The following TRPM7 variants were observed in gnomAD, a reference collection of about 807,000 sequenced individuals.
The protein encoded by TRPM7 is transient receptor potential cation channel subfamily M member 7.
A neutral mutation model predicts 229.7 loss-of-function variants in TRPM7; 134 were observed. The ratio of observed to expected loss-of-function variants is 0.58; its 90% CI spans 0.51 to 0.67. The LOEUF (loss-of-function observed/expected upper bound fraction) is 0.67. TRPM7 is among the 30% of genes least tolerant of loss of function. TRPM7 has a pLI of 0.00. For missense variants in TRPM7, 1,901 were observed against 2,210.0 expected (o/e 0.86, Z 2.80); for synonymous variants, 699 against 715.2 (o/e 0.98, Z 0.36).
intron 1 of TRPM7, among the ~76,000 whole-genome samples, chr15:50,682,270 C>G (rs1478473471): frequency 2.0e-5 from 3 of 150,770 alleles, no homozygotes; most frequent in Non-Finnish European, 4.4e-5. Flanking sequence ...CTCCACACAC[C>G]AAAATTCCTT....
chr15:50,663,728 G>T (rs1016939264), intron 1 of TRPM7, among the ~76,000 whole-genome samples: 1 of 152,164 alleles, frequency 6.6e-6, no homozygotes, highest in African/African-American at 2.4e-5. Flanking sequence ...CATTTTGGGA[G>T]CCAAGGTGAG....
chr15:50,627,427 T>A (rs531343244), intron 11 of TRPM7, among the ~76,000 whole-genome samples: 1 of 152,106 alleles, frequency 6.6e-6, no homozygotes, highest in East Asian at 1.9e-4. Context: ...AATGTTAAGA[T>A]AGAGAGACAG....
chr15:50,609,159 T>C (rs547826968), intron 19 of TRPM7, among the ~76,000 whole-genome samples: 5 of 152,122 alleles, frequency 3.3e-5, no homozygotes, highest in African/African-American at 4.8e-5. Flanking sequence ...ATATAAACAA[T>C]CTGGATTACT....
intron 22 of TRPM7, among the ~76,000 whole-genome samples, chr15:50,597,298 G>C (rs940827983): frequency 6.6e-6 from 1 of 152,088 alleles, no homozygotes; most frequent in Non-Finnish European, 1.5e-5. Context: ...AATTAGGCAG[G>C]GCGAGGATTA....
In TRPM7 at chr15:50,679,330, AT is replaced by A. The variant is rs1437435674; in HGVS notation, c.3+7200del. Among the ~76,000 whole-genome samples, 7 of 140,940 alleles carry A rather than the reference AT, an allele frequency of 5.0e-5. No homozygotes were observed. The South Asian group carries it at 1.6e-3, about 33-fold the overall frequency. The allele number at this position is 140,940 out of a possible 152,430, so 92.5% of individuals were successfully genotyped here. A position where few individuals can be genotyped will look rare whatever the true frequency, so the allele number is the denominator to read the frequency against. On this transcript the variant is annotated intron_variant, in intron 1 of 38. Transcript: ENST00000646667. ...GACATGGGCAACAGAGCAAAACACT[AT>A]CCAAAAAAAACAAAACAGAAAACTT...
At chr15:50,566,289 AAATTAT>A (rs1566930992) in intron 38 of TRPM7, among the ~76,000 whole-genome samples, 1 of 152,236 alleles carries the variant, frequency 6.6e-6, no homozygotes, top group African/African-American at 2.4e-5. Flanking sequence ...ATAACAACTG[AAATTAT>A]AATTATTTTA....
intron 10 of TRPM7, among the ~76,000 whole-genome samples, chr15:50,629,943 CCTCTGCCTTCCGGGTT>C (rs763098643): frequency 3.5e-4 from 51 of 143,836 alleles, no homozygotes; most frequent in Non-Finnish European, 6.6e-4. Flanking sequence ...CTCACTGCAA[CCTCTGCCTTCCGGGTT>C]CAAGCAATTC....
At chr15:50,562,148 G>A (rs768568777) in intron 38 of TRPM7, among the ~76,000 whole-genome samples, 4 of 151,636 alleles carry the variant, frequency 2.6e-5, no homozygotes, top group Non-Finnish European at 5.9e-5. Context: ...CACCTGCCTC[G>A]GCCTCCCAAA....
chr15:50,650,703 CA>C (rs11445747), intron 3 of TRPM7, among the ~76,000 whole-genome samples: 1 of 148,276 alleles, frequency 6.7e-6, no homozygotes, highest in African/African-American at 2.5e-5. Flanking sequence ...TCAAAAAAAA[CA>C]AAAAAAAACA....
At chr15:50,653,855 T>A (rs1020496885) in intron 3 of TRPM7, among the ~76,000 whole-genome samples, 1 of 152,184 alleles carries the variant, frequency 6.6e-6, no homozygotes, top group South Asian at 2.1e-4. Flanking sequence ...AATCACTTGC[T>A]GTGTGTGGGT....
At chr15:50,673,050 C>A (rs1225921291) in intron 1 of TRPM7, among the ~76,000 whole-genome samples, 1 of 146,448 alleles carries the variant, frequency 6.8e-6, no homozygotes, top group Admixed American at 6.7e-5. Context: ...TAAAAAGTTA[C>A]AGTAAGCTAG....
At chr15:50,626,496 G>C (rs1270209221) in intron 11 of TRPM7, among the ~76,000 whole-genome samples, 1 of 152,114 alleles carries the variant, frequency 6.6e-6, no homozygotes, top group African/African-American at 2.4e-5. Context: ...CAAGCAAGAA[G>C]AAAGAAGAAA....
At chr15:50,568,800 C>T (rs2053734976) in intron 38 of TRPM7, among the ~76,000 whole-genome samples, 1 of 151,894 alleles carries the variant, frequency 6.6e-6, no homozygotes, top group Non-Finnish European at 1.5e-5. Context: ...CATGGCAAAA[C>T]CCCATCTCTA....
intron 26 of TRPM7, 48 bp downstream of exon 26, chr15:50,591,863 T>C (rs759858512): frequency 7.8e-7 from 1 of 1,281,916 alleles, no homozygotes; most frequent in Admixed American, 2.3e-5. Flanking sequence ...ATTTCTAAGG[T>C]GAAAAGTAAA....
At chr15:50,627,828 G>A (rs1017942628) in intron 11 of TRPM7, among the ~76,000 whole-genome samples, 2 of 152,168 alleles carry the variant, frequency 1.3e-5, no homozygotes, top group Non-Finnish European at 2.9e-5. Context: ...TTAGTAGGAT[G>A]AGGAAGACTA....
rs569389372 is a variant in TRPM7 at position 50,645,317 on chromosome 15, T to C, written c.322-1764A>G. ...TCGGCCTCCCAAAGTGCTGGGATTA[T>C]AGGCATGAGCTACCACACCAGACCA... On this transcript the variant is annotated intron_variant, in intron 4 of 38. Transcript: ENST00000646667. Among the ~76,000 whole-genome samples, 128 of 152,034 alleles carry C rather than the reference T, an allele frequency of 8.4e-4. 1 individual carries two copies. Among genetic ancestry groups the C allele is most frequent in the African/African-American group, 3.0e-3 (123 of 41,466 alleles).
At chr15:50,659,228 G>A (rs772719445) in intron 2 of TRPM7, among the ~76,000 whole-genome samples, 1 of 151,594 alleles carries the variant, frequency 6.6e-6, no homozygotes, top group Non-Finnish European at 1.5e-5. Context: ...ACTAGTGATC[G>A]CCAAGATAAG....
rs1287827255 is a variant in TRPM7, at chr15:50,609,615, T to C, written c.2546A>G (p.Tyr849Cys). 6.2e-7 allele frequency: 1 copy of C among 1,610,416 alleles called. No homozygotes were observed. The highest frequency in any genetic ancestry group is 1.1e-5 in the South Asian group (1 of 89,884). ...CCAGAATTTTACAATTGGTGCATGA[T>C]AAAAGGCATAAAACTTTCGCGTAAT... is the stretch of plus-strand genomic sequence containing the variant. ...LPITRKFYAF[Y>C]HAPIVKFWFN... is the part of the protein sequence containing the mutation. The change falls in exon 19 of 39, where the codon TAT (tyrosine) becomes TGT (cysteine). Residue 849 changes from tyrosine to cysteine, a missense_variant. Physicochemically the swap from Tyr to Cys is radical, Grantham distance 194. This residue lies in a region of TRPM7 where 207 missense variants were observed against 241.5 expected (regional missense o/e 0.86). Coordinates refer to ENST00000646667, the MANE Select transcript of TRPM7 (RefSeq NM_017672.6).
intron 3 of TRPM7, among the ~76,000 whole-genome samples, chr15:50,655,195 G>T (rs1170862234): frequency 2.6e-5 from 4 of 151,298 alleles, no homozygotes; most frequent in African/African-American, 4.8e-5. Flanking sequence ...CAGCACTTTG[G>T]GTGGCCAAGG....
Sources: gnomAD v4.1 joint callset for allele counts (sites outside exome capture counted in the v4.1 genomes callset) on GRCh38, gnomAD v4.1.1 for gene constraint, gnomAD v4.1.1 regional missense constraint, MANE v1.5 for transcripts, NCBI Gene and HGNC (gene_info 2026-07-23, HGNC 2026-07-21) for gene names.